PUDP: variants seen among roughly 807,000 people sequenced by gnomAD.
The protein encoded by PUDP is pseudouridine 5'-phosphatase.
Under a neutral mutation model 9.4 loss-of-function variants are expected in PUDP, and 8 were observed. The ratio of observed to expected loss-of-function variants is 0.85; its 90% confidence interval spans 0.50 to 1.53. The LOEUF is 1.53. Ranked by LOEUF, PUDP falls within the 40% of genes most tolerant of loss-of-function variation. The probability of loss-of-function intolerance (pLI) is 0.00; values close to 1 mark genes in which losing one functional copy is unlikely to be tolerated. For synonymous variants in PUDP, 99 were observed against 80.7 expected (o/e 1.23, Z -1.22); for missense variants, 188 against 189.7 (o/e 0.99, Z 0.05).
chrX:6,718,911 A>G (rs2146654136), intron 1 of PUDP, among the ~76,000 whole-genome samples: 1 of 111,346 alleles, frequency 9.0e-6, no homozygotes, highest in Admixed American at 9.6e-5. Context: ...GCTAGCTGAC[A>G]GCCAAAAGGG....
At chrX:6,811,360 G>A (rs1275748356) in intron 3 of PUDP, among the ~76,000 whole-genome samples, 2 of 110,499 alleles carry the variant, frequency 1.8e-5, no homozygotes, top group African/African-American at 3.3e-5. Context: ...TGTCACCCAC[G>A]CTGGAGTGCA....
chrX:7,028,378 C>T (rs1284943592), intron 1 of PUDP, among the ~76,000 whole-genome samples: 1 of 110,810 alleles, frequency 9.0e-6, no homozygotes, highest in Non-Finnish European at 1.9e-5. Flanking sequence ...TATTTTGCAT[C>T]CTAGCCAAGT....
In PUDP at chrX:6,742,142, C is replaced by T. The variant is rs759036046; in HGVS notation, c.*248-35676G>A. Among the ~76,000 whole-genome samples, 113 of 111,586 alleles carry T rather than the reference C, an allele frequency of 1.0e-3. 1 individual carries two copies. The highest frequency in any genetic ancestry group is 3.6e-3 in the African/African-American group (109 of 30,469). The stretch of plus-strand genomic sequence containing the variant: ...GTGCTGGGATGTGAGCCACCAGGCC[C>T]GGCCTTCCCTCTTTTTTAATGTGTA... On this transcript the variant is annotated intron_variant and NMD_transcript_variant, in intron 3 of 3. Transcript: ENST00000655425.
At chrX:6,759,904 T>TCTGCAACAGC (rs1925210920) in intron 3 of PUDP, among the ~76,000 whole-genome samples, 1 of 111,882 alleles carries the variant, frequency 8.9e-6, no homozygotes, top group Non-Finnish European at 1.9e-5. Context: ...TCGCTAGCAG[T>TCTGCAACAGC]CTGCATGCCC....
intron 3 of PUDP, among the ~76,000 whole-genome samples, chrX:6,887,242 T>G (rs934237830): frequency 9.3e-6 from 1 of 107,080 alleles, no homozygotes; most frequent in African/African-American, 3.3e-5. Context: ...TTATATCTAT[T>G]ATATATTAAT....
chrX:7,120,552 C>G (rs749722767), intron 1 of PUDP, among the ~76,000 whole-genome samples: 2 of 112,462 alleles, frequency 1.8e-5, no homozygotes, highest in African/African-American at 6.4e-5. Context: ...CAACTGGTTA[C>G]AGCAGTAATA....
chrX:6,962,624 T>G (rs897810533), intron 3 of PUDP, among the ~76,000 whole-genome samples: 4 of 112,620 alleles, frequency 3.6e-5, no homozygotes, highest in African/African-American at 1.3e-4. Context: ...TAGAAAAGTT[T>G]CCTTTATGTG....
chrX:6,850,344 A>G (rs1361946754), intron 3 of PUDP, among the ~76,000 whole-genome samples: 1 of 112,271 alleles, frequency 8.9e-6, no homozygotes, highest in Non-Finnish European at 1.9e-5. Context: ...ATTTTAAAAA[A>G]TAGGATTGAT....
chrX:6,819,227 A>C (rs1926298749), intron 3 of PUDP, among the ~76,000 whole-genome samples: 1 of 111,921 alleles, frequency 8.9e-6, no homozygotes. Flanking sequence ...TGTTCAAGAG[A>C]AGAGAGTTCT....
At chrX:7,129,538 G>A (rs1208159935) in intron 1 of PUDP, among the ~76,000 whole-genome samples, 3 of 112,048 alleles carry the variant, frequency 2.7e-5, no homozygotes, top group African/African-American at 9.8e-5. Flanking sequence ...CCCCAACAGT[G>A]TGACGTACAG....
intron 3 of PUDP, among the ~76,000 whole-genome samples, chrX:6,852,673 C>T (rs1489342148): frequency 9.0e-6 from 1 of 111,664 alleles, no homozygotes; most frequent in African/African-American, 3.3e-5. Flanking sequence ...AGACTAATAT[C>T]TTTAATATTT....
intron 1 of PUDP, among the ~76,000 whole-genome samples, chrX:7,033,836 G>T (rs927276881): frequency 3.6e-5 from 4 of 112,135 alleles, no homozygotes; most frequent in African/African-American, 1.3e-4. Flanking sequence ...AGCTTCAATT[G>T]TCAATACATA....
At chrX:7,006,611 C>T (rs1251054001) in intron 1 of PUDP, among the ~76,000 whole-genome samples, 1 of 110,688 alleles carries the variant, frequency 9.0e-6, no homozygotes, top group Non-Finnish European at 1.9e-5. Flanking sequence ...AATGCTGGGC[C>T]ATTGATTTCA....
At chrX:6,979,486 A>G (rs1296693095) in intron 1 of PUDP, among the ~76,000 whole-genome samples, 4 of 112,615 alleles carry the variant, frequency 3.6e-5, no homozygotes, top group Admixed American at 2.8e-4. Flanking sequence ...CTTTGGAAAT[A>G]AAGACAATAG....
At chrX:6,768,460 A>G (rs749425155) in intron 3 of PUDP, among the ~76,000 whole-genome samples, 1 of 112,182 alleles carries the variant, frequency 8.9e-6, no homozygotes, top group South Asian at 3.8e-4. Context: ...GTTAGCTACA[A>G]TGGTTATAAT....
chrX:6,903,915 A>ATGC (rs1927727833), intron 3 of PUDP, among the ~76,000 whole-genome samples: 1 of 108,400 alleles, frequency 9.2e-6, no homozygotes, highest in Non-Finnish European at 1.9e-5. Context: ...TGTAACAAAC[A>ATGC]TGCACATGTA....
intron 3 of PUDP, among the ~76,000 whole-genome samples, chrX:6,787,424 C>T (rs1053507249): frequency 1.8e-5 from 2 of 111,984 alleles, no homozygotes; most frequent in Non-Finnish European, 3.8e-5. Context: ...AGGCAGACAC[C>T]CAGCGAAGAG....
In PUDP at chrX:7,117,052, A is replaced by G. The variant is rs1355324900; in HGVS notation, c.62-11214T>C. 4.3e-6 allele frequency: 5 copies of G among 1,164,353 alleles called. No individual in the cohort carries two copies. In the Admixed American group the frequency reaches 1.3e-4, roughly 30 times the overall value. On this transcript the variant is annotated intron_variant, in intron 1 of 3. Transcript: ENST00000381077. ...TGTATAACCTGCAGAAATGTGAGCC[A>G]ATTAAACCGTTGTTCTTCTAAATTA...
intron 3 of PUDP, among the ~76,000 whole-genome samples, chrX:6,845,240 C>A (rs1926727886): frequency 9.0e-6 from 1 of 111,731 alleles, no homozygotes; most frequent in Admixed American, 9.5e-5. Context: ...ATAAGACCTA[C>A]AAGGAAAGTT....
Sources: allele counts gnomAD v4.1 joint callset (sites outside exome capture counted in the v4.1 genomes callset), GRCh38; gene constraint gnomAD v4.1.1; transcripts MANE v1.5; gene names NCBI Gene and HGNC (gene_info 2026-07-23, HGNC 2026-07-21).